ERG: variants seen among roughly 807,000 people sequenced by gnomAD.
ERG encodes the protein ETS transcription factor ERG.
In ERG, 9 loss-of-function variants were observed where a neutral mutation model predicts 55.3. That is an observed-to-expected ratio of 0.16 (90% CI 0.10 to 0.28). ERG has a LOEUF of 0.28. ERG is among the 10% of genes least tolerant of loss of function. The pLI, the probability that ERG is intolerant of heterozygous loss-of-function variation, is 1.00. For synonymous variants in ERG, 223 were observed against 237.3 expected (o/e 0.94, Z 0.55); for missense variants, 434 against 631.6 (o/e 0.69, Z 3.35).
chr21:38,569,731 A>G (rs1568920067), intron 2 of ERG, among the ~76,000 whole-genome samples: 1 of 152,170 alleles, frequency 6.6e-6, no homozygotes, highest in Admixed American at 6.5e-5. Flanking sequence ...GGTAATTCCA[A>G]TGCTGAGTTA....
intron 1 of ERG, among the ~76,000 whole-genome samples, chr21:38,633,798 G>T (rs766986111): frequency 5.9e-5 from 9 of 151,442 alleles, no homozygotes; most frequent in South Asian, 2.1e-4. Flanking sequence ...TTGAAGTGCC[G>T]AATTATTTCA....
chr21:38,590,916 A>G (rs868524872), intron 1 of ERG, among the ~76,000 whole-genome samples: 1 of 152,224 alleles, frequency 6.6e-6, no homozygotes, highest in South Asian at 2.1e-4. Flanking sequence ...TCAGCTGGAG[A>G]GCTTTTTAAA....
intron 2 of ERG, among the ~76,000 whole-genome samples, chr21:38,444,317 A>T (rs1358569461): frequency 2.0e-5 from 3 of 152,148 alleles, no homozygotes; most frequent in Non-Finnish European, 4.4e-5. Context: ...GAAATGCCTG[A>T]TCACAGGTTT....
rs1226728401 is a variant in ERG at position 38,381,614 on chromosome 21, G to A, written c.*1789C>T. On this transcript the variant is annotated 3_prime_UTR_variant, in exon 10 of 10. Transcript: ENST00000288319. ...GCTATCCATGACGCTTTATTTGCCA[G>A]TAATAATACAGTTTGCCTTACGAGT... The A allele has an allele frequency of 3.8e-6, 4 of 1,063,282 alleles. No homozygotes were observed. The highest frequency in any genetic ancestry group is 4.6e-6 in the Non-Finnish European group (4 of 878,038). 65.9% of individuals were successfully genotyped at this position (1,063,282 alleles called of 1,614,324 possible). A position where few individuals can be genotyped will look rare whatever the true frequency, so the allele number is the denominator to read the frequency against.
At chr21:38,543,082 AC>A (rs2059764576) in intron 2 of ERG, among the ~76,000 whole-genome samples, 1 of 152,106 alleles carries the variant, frequency 6.6e-6, no homozygotes, top group Admixed American at 6.5e-5. Flanking sequence ...AGCCAACACT[AC>A]CCTTTCTGGA....
chr21:38,468,752 G>A lies in ERG; in HGVS notation c.19-23131C>T, dbSNP rs190892004. On this transcript the variant is annotated intron_variant, in intron 1 of 9. Coordinates refer to ENST00000288319, the MANE Select transcript of ERG (RefSeq NM_182918.4). ...TGTAATCCCAGCACTTTGGGAGGCC[G>A]AGGCAGGCGGATCACGAGGTCAGGA... Among the ~76,000 whole-genome samples the A allele has an allele frequency of 4.8e-3, 734 of 152,152 alleles. 9 individuals carry two copies. The highest frequency in any genetic ancestry group is 0.022 in the South Asian group (104 of 4,816).
In ERG at chr21:38,429,404, T is replaced by C. The variant is rs1445161699; in HGVS notation, c.237-5843A>G. Among the ~76,000 whole-genome samples the C allele has an allele frequency of 1.4e-5, 2 of 141,482 alleles. 1 individual carries two copies. The highest frequency in any genetic ancestry group is 3.1e-5 in the Non-Finnish European group (2 of 63,686). The allele number at this position is 141,482 out of a possible 152,430, so 92.8% of individuals were successfully genotyped here. A position where few individuals can be genotyped will look rare whatever the true frequency, so the allele number is the denominator to read the frequency against. On this transcript the variant is annotated intron_variant, in intron 2 of 9. Transcript: ENST00000288319. ...ATATATATGTACACATATACACATG[T>C]ACATACGCACATATAAACATGTGTG...
intron 1 of ERG, 139 bp from the exon 2 acceptor site, chr21:38,445,760 GA>G: frequency 1.5e-6 from 1 of 667,194 alleles, no homozygotes; most frequent in Non-Finnish European, 2.6e-6. Context: ...CCTTTCAGAA[GA>G]AAAAAGTAGC....
intron 1 of ERG, among the ~76,000 whole-genome samples, chr21:38,455,435 T>C (rs1361072447): frequency 6.6e-6 from 1 of 152,078 alleles, no homozygotes; most frequent in Non-Finnish European, 1.5e-5. Context: ...TTTTTTTCTA[T>C]TGGCATGGTC....
chr21:38,553,115 T>C (rs2059835278), intron 2 of ERG, among the ~76,000 whole-genome samples: 1 of 151,924 alleles, frequency 6.6e-6, no homozygotes, highest in African/African-American at 2.4e-5. Context: ...ATACAATACT[T>C]AAGGGTACAG....
At chr21:38,462,459 A>C (rs2059052856) in intron 1 of ERG, among the ~76,000 whole-genome samples, 1 of 152,194 alleles carries the variant, frequency 6.6e-6, no homozygotes. Flanking sequence ...TCGAGGTTTT[A>C]AGCTTGGCTA....
At chr21:38,601,437 T>A (rs909946419) in intron 1 of ERG, among the ~76,000 whole-genome samples, 1 of 151,038 alleles carries the variant, frequency 6.6e-6, no homozygotes, top group Non-Finnish European at 1.5e-5. Context: ...AAAAAAAAAA[T>A]CATACAGAGA....
intron 2 of ERG, among the ~76,000 whole-genome samples, chr21:38,551,497 T>G (rs2059824152): frequency 1.3e-5 from 2 of 152,308 alleles, no homozygotes; most frequent in East Asian, 3.9e-4. Flanking sequence ...TGCTATAAAC[T>G]TTCCTGTTAA....
At chr21:38,431,264 G>A (rs1169615642) in intron 2 of ERG, among the ~76,000 whole-genome samples, 1 of 152,178 alleles carries the variant, frequency 6.6e-6, no homozygotes, top group African/African-American at 2.4e-5. Context: ...TCAGAGGGCT[G>A]GAAGAAGCCC....
intron 2 of ERG, among the ~76,000 whole-genome samples, chr21:38,561,774 G>T (rs1241656748): frequency 4.6e-5 from 7 of 152,010 alleles, no homozygotes; most frequent in Non-Finnish European, 8.8e-5. Context: ...TTTCAATATT[G>T]ATCTTAGCAG....
chr21:38,492,391 G>A (rs776924546), intron 1 of ERG, among the ~76,000 whole-genome samples: 4 of 152,074 alleles, frequency 2.6e-5, no homozygotes, highest in African/African-American at 7.2e-5. Context: ...TTTAATTAAC[G>A]TTATTTTACT....
chr21:38,387,491 G>A lies in ERG; in HGVS notation c.919+3504C>T, dbSNP rs12482566. Among the ~76,000 whole-genome samples the A allele has an allele frequency of 9.9e-3, 1,501 of 152,294 alleles. 94 individuals are homozygous for A. The highest frequency in any genetic ancestry group is 0.091 in the Admixed American group (1,389 of 15,292). ...ATCCTGCCTCTGCCCTTTGTGGGAC[G>A]TTTGGCAACTCTCGCAGCTCTCTCT... On this transcript the variant is annotated intron_variant, in intron 9 of 9. Transcript: ENST00000288319.
chr21:38,391,822 T>G lies in ERG; in HGVS notation c.815-107A>C, dbSNP rs145600789. On this transcript the variant is annotated intron_variant, in intron 7 of 9. Transcript: ENST00000288319. ...TCAGTTAATTTAGTTATTAACATAATAGTCTAACTCAGAAGCATCTCACGG... is the reference window on the plus strand; with the variant it reads ...TCAGTTAATTTAGTTATTAACATAAGAGTCTAACTCAGAAGCATCTCACGG... The G allele has an allele frequency of 1.1e-4, 102 of 921,614 alleles. 1 individual carries two copies. In the East Asian group the frequency reaches 2.5e-3, roughly 23 times the overall value. The allele number at this position is 921,614 out of a possible 1,614,324, so 57.1% of individuals were successfully genotyped here.
chr21:38,606,533 T>C lies in ERG; in HGVS notation c.-149-21588A>G, dbSNP rs1373107571. 2.6e-5 allele frequency among the ~76,000 whole-genome samples: 4 copies of C among 152,188 alleles called. No homozygotes were observed. The East Asian group carries it at 7.7e-4, about 29-fold the overall frequency. On this transcript the variant is annotated intron_variant, in intron 1 of 10. Coordinates refer to the ERG transcript ENST00000398910. ...CAAAATAAGTAGATTTTAGTAGATG[T>C]AGTAGATACAAAAAGATTGAGGATT...
Sources: allele counts gnomAD v4.1 joint callset (sites outside exome capture counted in the v4.1 genomes callset), GRCh38; gene constraint gnomAD v4.1.1; transcripts MANE v1.5; gene names NCBI Gene and HGNC (gene_info 2026-07-23, HGNC 2026-07-21).